The following GPR149 variants were observed in gnomAD, a reference collection of about 807,000 sequenced individuals.
GPR149 encodes G protein-coupled receptor 149.
In GPR149, 50 loss-of-function variants were observed where a neutral mutation model predicts 50.2. That is an observed-to-expected ratio of 1.00 (90% CI 0.79 to 1.26). The LOEUF (loss-of-function observed/expected upper bound fraction) is 1.26. Among genes scored for constraint, GPR149 ranks in the 50% most tolerant of loss-of-function variants. The pLI is 0.00. For missense variants in GPR149, 983 were observed against 895.4 expected, an observed-to-expected ratio of 1.10 and a Z score of -1.25; for synonymous variants, 405 against 358.2, an observed-to-expected ratio of 1.13 and a Z score of -1.48.
chr3:154,376,006 G>T (rs985998179), intron 3 of GPR149, among the ~76,000 whole-genome samples: 7 of 152,184 alleles, frequency 4.6e-5, no homozygotes, highest in African/African-American at 1.7e-4. Context: ...CTTCTGACTT[G>T]AACTGAATTA....
intron 3 of GPR149, among the ~76,000 whole-genome samples, chr3:154,369,414 C>G (rs980927779): frequency 4.2e-4 from 64 of 152,168 alleles, no homozygotes; most frequent in African/African-American, 1.5e-3. Flanking sequence ...CTTTGCCCTT[C>G]GTGACAATAC....
chr3:154,337,660 T>C lies in GPR149; in HGVS notation c.*39A>G. ...AAAGGTGTTAGTTTCACAGTTGACGTTGCAGATCCATTCTTGCTCCTGTTA... is the reference window on the plus strand; with the variant it reads ...AAAGGTGTTAGTTTCACAGTTGACGCTGCAGATCCATTCTTGCTCCTGTTA... On this transcript the variant is annotated 3_prime_UTR_variant, in exon 4 of 4. Coordinates refer to ENST00000389740, the MANE Select transcript of GPR149 (RefSeq NM_001038705.3). The C allele has an allele frequency of 3.5e-6, 5 of 1,413,780 alleles. No homozygotes were observed. Among genetic ancestry groups the C allele is most frequent in the Non-Finnish European group, 3.8e-6 (4 of 1,039,980 alleles). 87.6% of individuals were successfully genotyped at this position (1,413,780 alleles called of 1,614,324 possible). A position where few individuals can be genotyped will look rare whatever the true frequency, so the allele number is the denominator to read the frequency against.
At chr3:154,385,672 T>C (rs1715028786) in intron 3 of GPR149, among the ~76,000 whole-genome samples, 1 of 151,652 alleles carries the variant, frequency 6.6e-6, no homozygotes, top group Non-Finnish European at 1.5e-5. Context: ...TCCAATGCAA[T>C]AACTTTCACA....
chr3:154,371,621 C>T (rs576630944), intron 3 of GPR149, among the ~76,000 whole-genome samples: 29 of 152,248 alleles, frequency 1.9e-4, no homozygotes, highest in East Asian at 1.3e-3. Context: ...CCTTCAAAAC[C>T]GGAGAGCCCT....
intron 3 of GPR149, among the ~76,000 whole-genome samples, chr3:154,393,213 TACTAAGA>T (rs972556177): frequency 1.3e-5 from 2 of 151,912 alleles, no homozygotes; most frequent in Non-Finnish European, 2.9e-5. Flanking sequence ...TTCAACAACT[TACTAAGA>T]GGATCAGACA....
In GPR149 at chr3:154,429,666, T is replaced by A. The variant is rs747673100; in HGVS notation, c.-51A>T. 57 of 1,505,584 alleles carry A rather than the reference T, an allele frequency of 3.8e-5. No individual in the cohort carries two copies. Among genetic ancestry groups the A allele is most frequent in the Non-Finnish European group, 5.1e-5 (56 of 1,105,530 alleles). The allele number at this position is 1,505,584 out of a possible 1,614,324, so 93.3% of individuals were successfully genotyped here. A position where few individuals can be genotyped will look rare whatever the true frequency, so the allele number is the denominator to read the frequency against. On this transcript the variant is annotated 5_prime_UTR_variant, in exon 1 of 4. It introduces an in-frame stop codon into an upstream open reading frame of the 5' UTR. Coordinates refer to ENST00000389740, the MANE Select transcript of GPR149 (RefSeq NM_001038705.3). Reference sequence around the variant, plus strand: ...CTTATCAATGAGTCTGATAATTTTCTCAAAAGAAAGACCGGCTGCTGCAAA... The same window carrying A: ...CTTATCAATGAGTCTGATAATTTTCACAAAAGAAAGACCGGCTGCTGCAAA...
chr3:154,394,999 GC>G (rs1715256973), intron 3 of GPR149, among the ~76,000 whole-genome samples: 1 of 151,940 alleles, frequency 6.6e-6, no homozygotes, highest in Non-Finnish European at 1.5e-5. Flanking sequence ...ACAAATAATT[GC>G]CTTCTTACAG....
intron 3 of GPR149, among the ~76,000 whole-genome samples, chr3:154,382,434 T>A (rs1714948475): frequency 6.6e-6 from 1 of 152,152 alleles, no homozygotes; most frequent in African/African-American, 2.4e-5. Context: ...AGTATAGAAG[T>A]ATGAACACAG....
rs751061260 is a variant in GPR149 at position 154,392,105 on chromosome 3, GA to G, written c.1623+28933del. Among the ~76,000 whole-genome samples the G allele has an allele frequency of 9.2e-5, 14 of 151,494 alleles. No homozygotes were observed. The East Asian group carries it at 1.5e-3, about 17-fold the overall frequency. ...TCTCACTTTTAATAATATAACATTT[GA>G]AAAAAATCAATAAGGAAACAGGATC... On this transcript the variant is annotated intron_variant, in intron 3 of 3. Transcript: ENST00000389740.
At chr3:154,352,058 G>T in intron 3 of GPR149, 1 of 443,722 alleles carries the variant, frequency 2.3e-6, no homozygotes. Flanking sequence ...CAACTATCAT[G>T]AGCTAATTTT....
At chr3:154,366,273 T>A (rs552609930) in intron 3 of GPR149, among the ~76,000 whole-genome samples, 2 of 152,268 alleles carry the variant, frequency 1.3e-5, no homozygotes, top group South Asian at 4.1e-4. Flanking sequence ...ATAAGACTGA[T>A]CTCCTTGAGG....
At chr3:154,374,169 CT>C (rs3069044) in intron 3 of GPR149, among the ~76,000 whole-genome samples, 2 of 103,174 alleles carry the variant, frequency 1.9e-5, no homozygotes, top group East Asian at 5.4e-4. Context: ...CTTTTCTTTT[CT>C]TTTTTTTTTT....
At chr3:154,428,102 ACT>A (rs1003161546) in intron 1 of GPR149, among the ~76,000 whole-genome samples, 1 of 151,824 alleles carries the variant, frequency 6.6e-6, no homozygotes, top group African/African-American at 2.4e-5. Flanking sequence ...GTGGGGCGCC[ACT>A]CTGCCACCTC....
chr3:154,385,785 T>C (rs888459489), intron 3 of GPR149, among the ~76,000 whole-genome samples: 1 of 151,146 alleles, frequency 6.6e-6, no homozygotes, highest in South Asian at 2.1e-4. Context: ...CATTGCAAGC[T>C]CCACCTTCCG....
intron 3 of GPR149, among the ~76,000 whole-genome samples, chr3:154,383,723 C>T (rs1259986136): frequency 6.6e-6 from 1 of 151,828 alleles, no homozygotes; most frequent in Non-Finnish European, 1.5e-5. Flanking sequence ...TGTTTGTGTC[C>T]CCCCAAAATT....
intron 3 of GPR149, chr3:154,353,866 C>T (rs187102851): frequency 1.2e-4 from 70 of 596,906 alleles, no homozygotes. Context: ...GATATGTTAC[C>T]CTTTGATGTT....
At chr3:154,346,581 A>G (rs1418468458) in intron 3 of GPR149, among the ~76,000 whole-genome samples, 1 of 151,518 alleles carries the variant, frequency 6.6e-6, no homozygotes, top group Non-Finnish European at 1.5e-5. Flanking sequence ...GCTACAAATT[A>G]AGGTTTTTCT....
At position 154,429,511 on chromosome 3, in the gene GPR149, A is replaced by T; in HGVS notation, c.105T>A (p.Tyr35Ter). 1 of 1,614,184 alleles carries T rather than the reference A, an allele frequency of 6.2e-7. No homozygotes were observed. The highest frequency in any genetic ancestry group is 8.5e-7 in the Non-Finnish European group (1 of 1,180,028). Residue 35 changes from tyrosine to a stop codon, truncating the protein, a stop_gained, in exon 1 of 4, where the codon TAT becomes TAA. Coordinates refer to ENST00000389740, the MANE Select transcript of GPR149 (RefSeq NM_001038705.3). LOFTEE classifies it high-confidence loss of function. ...LLNPPGTLNIYLFCLTCLMTF... is the reference protein window; with the variant it reads ...LLNPPGTLNI ...TCATGAGACATGTCAAGCAAAAAAG[A>T]TAGATATTCAGGGTTCCTGGCGGAT...
At chr3:154,405,585 CAAAAAAAAAA>C (rs33943436) in intron 3 of GPR149, among the ~76,000 whole-genome samples, 33 of 83,484 alleles carry the variant, frequency 4.0e-4, no homozygotes, top group African/African-American at 1.7e-3. Context: ...AAGACTCCAT[CAAAAAAAAAA>C]AAAAAAAAAA....
Sources: allele counts gnomAD v4.1 joint callset (sites outside exome capture counted in the v4.1 genomes callset), GRCh38; gene constraint gnomAD v4.1.1; transcripts MANE v1.5; gene names NCBI Gene and HGNC (gene_info 2026-07-23, HGNC 2026-07-21).